Variants in DNAH11 observed in about 807,000 individuals in gnomAD.
DNAH11 encodes the protein dynein axonemal heavy chain 11.
Under a neutral mutation model 526.0 loss-of-function variants are expected in DNAH11, and 442 were observed. The observed-to-expected ratio is 0.84, with a 90% CI of 0.78 to 0.91. The LOEUF is 0.91. Ranked by LOEUF, DNAH11 falls within the 40% of genes least tolerant of loss-of-function variation. The pLI is 0.00. For synonymous variants in DNAH11, 2,461 were observed against 1,935.9 expected (o/e 1.27, Z -7.12); for missense variants, 6,989 against 5,448.7 (o/e 1.28, Z -8.90).
At chr7:21,752,806 G>C (rs1786469486) in intron 54 of DNAH11, among the ~76,000 whole-genome samples, 1 of 152,116 alleles carries the variant, frequency 6.6e-6, no homozygotes, top group African/African-American at 2.4e-5. Flanking sequence ...TCTGCCTCCT[G>C]GGTTCAAGCA....
chr7:21,898,019 T>G (rs1318195801), intron 79 of DNAH11, among the ~76,000 whole-genome samples: 1 of 152,206 alleles, frequency 6.6e-6, no homozygotes, highest in Non-Finnish European at 1.5e-5. Flanking sequence ...TTGCTTTCAT[T>G]TCTATAATTT....
chr7:21,598,740 A>T (rs1417933307), intron 14 of DNAH11, among the ~76,000 whole-genome samples: 1 of 151,920 alleles, frequency 6.6e-6, no homozygotes, highest in Non-Finnish European at 1.5e-5. Flanking sequence ...CCTCCTTCCA[A>T]TCCTTACCCT....
Position 21,899,446 on chromosome 7 carries a change from C to T in DNAH11, c.13160C>T (p.Thr4387Ile). The change falls in exon 80 of 82, where the codon ACT becomes ATT. Residue 4387 changes from threonine to isoleucine, a missense_variant and splice_region_variant. Transcript: ENST00000409508. ...SGFFNPQSFLTAIMQTMARKN... is the reference protein window; with the variant it reads ...SGFFNPQSFLIAIMQTMARKN... ...TTCTTCAACCCTCAGTCCTTCTTAA[C>T]TGGTAAGGGCTGACGCAGTGCAGCC... The T allele has an allele frequency of 6.2e-7, 1 of 1,611,592 alleles. No homozygotes were observed. Among genetic ancestry groups the T allele is most frequent in the South Asian group, 1.1e-5 (1 of 90,978 alleles).
At chr7:21,835,000 A>G (rs989481895) in intron 65 of DNAH11, among the ~76,000 whole-genome samples, 1 of 152,204 alleles carries the variant, frequency 6.6e-6, no homozygotes. Context: ...TGCCAACAAA[A>G]TAGAAAACCT....
intron 28 of DNAH11, among the ~76,000 whole-genome samples, chr7:21,639,736 A>G (rs1443123316): frequency 6.6e-6 from 1 of 152,228 alleles, no homozygotes; most frequent in East Asian, 1.9e-4. Flanking sequence ...CATTTAGACC[A>G]ACTCAATCAT....
chr7:21,844,658 T>A (rs1401006432), intron 66 of DNAH11, among the ~76,000 whole-genome samples: 1 of 152,160 alleles, frequency 6.6e-6, no homozygotes, highest in Non-Finnish European at 1.5e-5. Flanking sequence ...CAGCTGGTGC[T>A]GATACAAATA....
At chr7:21,689,795 C>G (rs113399102) in intron 34 of DNAH11, among the ~76,000 whole-genome samples, 21 of 152,336 alleles carry the variant, frequency 1.4e-4, no homozygotes, top group Middle Eastern at 6.8e-3. Flanking sequence ...AGACCCAGCT[C>G]CTTAACTGCT....
intron 28 of DNAH11, among the ~76,000 whole-genome samples, chr7:21,644,566 T>C (rs1787265703): frequency 6.6e-6 from 1 of 152,064 alleles, no homozygotes; most frequent in Admixed American, 6.6e-5. Flanking sequence ...GTGGAGGAAG[T>C]GGTTGCTCCT....
rs74430554 is a variant in DNAH11, at chr7:21,681,235, T to G, written c.5329-311T>G. Among the ~76,000 whole-genome samples the G allele has an allele frequency of 0.027, 4,113 of 152,190 alleles. 172 individuals are homozygous for G. The highest frequency in any genetic ancestry group is 0.093 in the African/African-American group (3,848 of 41,532). ...CAAGGTCAGGAGTTTGAGACCAGCC[T>G]GACCAAAATGGTGAAATCATGTCCC... On this transcript the variant is annotated intron_variant, in intron 30 of 81. Coordinates refer to ENST00000409508, the MANE Select transcript of DNAH11 (RefSeq NM_001277115.2).
rs117830543 is a variant in DNAH11 at position 21,601,440 on chromosome 7, T to G, written c.3470T>G (p.Leu1157Arg). 3.9e-5 allele frequency: 63 copies of G among 1,613,654 alleles called. No homozygotes were observed. The East Asian group carries it at 1.2e-3, about 32-fold the overall frequency. The stretch of plus-strand genomic sequence containing the variant: ...TTTATAAAGGAGACAGATTCCGGAC[T>G]TCAGAGAGAATTAAATGAAGGTGAT... ...QEFIKETDSGLQRELNEGDHD... is the reference protein window; with the variant it reads ...QEFIKETDSGRQRELNEGDHD... The change falls in exon 18 of 82, where the codon CTT (leucine) becomes CGT (arginine). Residue 1157 changes from leucine to arginine, a missense_variant. Physicochemically the swap from Leu to Arg is moderately radical, Grantham distance 102 (BLOSUM62 -2). Transcript: ENST00000409508.
intron 25 of DNAH11, among the ~76,000 whole-genome samples, chr7:21,632,928 T>A (rs751068392): frequency 3.3e-5 from 5 of 152,190 alleles, no homozygotes; most frequent in Non-Finnish European, 5.9e-5. Flanking sequence ...ATACCCAAGA[T>A]TGGGCAATTT....
At position 21,710,442 on chromosome 7, in the gene DNAH11, G is replaced by C. The variant is rs72657348; in HGVS notation, c.6684-111G>C. 4 of 905,546 alleles carry C rather than the reference G, an allele frequency of 4.4e-6. No individual in the cohort carries two copies. In the African/African-American group the frequency reaches 6.9e-5, roughly 16 times the overall value. 56.1% of individuals were successfully genotyped at this position (905,546 alleles called of 1,614,324 possible). The stretch of plus-strand genomic sequence containing the variant: ...GCTGAAAAGGTGTTACACACTGCCC[G>C]CAAGAAAGAGGCAGCAAAATCGTTT... On this transcript the variant is annotated intron_variant, in intron 40 of 81. Transcript: ENST00000409508.
chr7:21,734,293 G>A (rs1785511159), intron 45 of DNAH11, among the ~76,000 whole-genome samples: 1 of 152,144 alleles, frequency 6.6e-6, no homozygotes, highest in Admixed American at 6.5e-5. Flanking sequence ...GCTTAGCATG[G>A]TACCTGCCAC....
At chr7:21,567,097 A>G (rs1009771770) in intron 6 of DNAH11, among the ~76,000 whole-genome samples, 1 of 152,154 alleles carries the variant, frequency 6.6e-6, no homozygotes, top group Non-Finnish European at 1.5e-5. Flanking sequence ...TAATACTTTC[A>G]AATTATTTTC....
rs367625336 is a variant in DNAH11 at position 21,637,687 on chromosome 7, A to G, written c.4802A>G (p.Lys1601Arg). 11 of 1,564,330 alleles carry G rather than the reference A, an allele frequency of 7.0e-6. No homozygotes were observed. The highest frequency in any genetic ancestry group is 9.5e-6 in the Non-Finnish European group (11 of 1,154,122). The change falls in exon 27 of 82, where the codon AAA (lysine) becomes AGA (arginine). Residue 1601 changes from lysine (K) to arginine (R), a missense_variant. Transcript: ENST00000409508. ...TCRPNLYEKL[K>R]DLQSRLSLCE... is the part of the protein sequence containing the mutation. ...AGACCTAATCTCTATGAAAAACTTA[A>G]AGATTTACAGTCCAGGTAAGAATAA...
intron 73 of DNAH11, among the ~76,000 whole-genome samples, chr7:21,871,313 A>G (rs11976832): frequency 1.3e-5 from 2 of 152,118 alleles, no homozygotes; most frequent in African/African-American, 4.8e-5. Flanking sequence ...CAAGACATAT[A>G]GATTGTCTAA....
chr7:21,798,313 C>G (rs1217804201), intron 61 of DNAH11, among the ~76,000 whole-genome samples: 5 of 152,190 alleles, frequency 3.3e-5, no homozygotes, highest in Non-Finnish European at 7.3e-5. Flanking sequence ...CCAAGCCGAT[C>G]TTGAAGTCCT....
intron 28 of DNAH11, among the ~76,000 whole-genome samples, chr7:21,653,748 C>T (rs1245654104): frequency 2.0e-5 from 3 of 152,152 alleles, no homozygotes; most frequent in South Asian, 4.1e-4. Flanking sequence ...TTAAAGTAAG[C>T]GAGAGTCTCA....
intron 55 of DNAH11, among the ~76,000 whole-genome samples, chr7:21,771,344 A>C (rs1787426084): frequency 6.6e-6 from 1 of 151,796 alleles, no homozygotes; most frequent in Admixed American, 6.6e-5. Flanking sequence ...TTTATATTCA[A>C]CTCTGCTGTT....
Sources: gnomAD v4.1 joint callset for allele counts (sites outside exome capture counted in the v4.1 genomes callset) on GRCh38, gnomAD v4.1.1 for gene constraint, MANE v1.5 for transcripts, NCBI Gene and HGNC (gene_info 2026-07-23, HGNC 2026-07-21) for gene names.